The following CDC42SE2 variants were observed in gnomAD, a reference collection of about 807,000 sequenced individuals.
CDC42SE2 encodes CDC42 small effector protein 2.
In CDC42SE2, 3 loss-of-function variants were observed where a neutral mutation model predicts 11.5. The ratio of observed to expected loss-of-function variants is 0.26; its 90% CI spans 0.12 to 0.67. The LOEUF (loss-of-function observed/expected upper bound fraction) is 0.67, where lower values mean the gene tolerates loss of function less well. CDC42SE2 is among the 30% of genes least tolerant of loss of function. CDC42SE2 has a pLI of 0.80. For synonymous variants in CDC42SE2, 33 were observed against 34.8 expected (o/e 0.95, Z 0.18); for missense variants, 82 against 106.8 (o/e 0.77, Z 1.02).
At chr5:131,367,658 A>T (rs1207938528) in intron 3 of CDC42SE2, among the ~76,000 whole-genome samples, 1 of 152,128 alleles carries the variant, frequency 6.6e-6, no homozygotes, top group Non-Finnish European at 1.5e-5. Flanking sequence ...ATGCCTGTTC[A>T]TGTCTTTTGT....
intron 2 of CDC42SE2, among the ~76,000 whole-genome samples, chr5:131,316,825 T>A (rs910569855): frequency 1.3e-5 from 2 of 152,198 alleles, no homozygotes; most frequent in South Asian, 2.1e-4. Context: ...TTAAGCAGTT[T>A]TGCCTTGAGA....
At chr5:131,281,772 A>G (rs990815453) in intron 1 of CDC42SE2, among the ~76,000 whole-genome samples, 1 of 152,168 alleles carries the variant, frequency 6.6e-6, no homozygotes, top group African/African-American at 2.4e-5. Context: ...TGAAATTTAG[A>G]CACACCTCGA....
intron 3 of CDC42SE2, among the ~76,000 whole-genome samples, chr5:131,377,692 T>C (rs1750196813): frequency 6.6e-6 from 1 of 152,150 alleles, no homozygotes; most frequent in Non-Finnish European, 1.5e-5. Context: ...AACCACTGCT[T>C]TACAGGTTCT....
intron 1 of CDC42SE2, among the ~76,000 whole-genome samples, chr5:131,267,559 C>G (rs747427735): frequency 1.1e-4 from 16 of 151,904 alleles, no homozygotes; most frequent in Non-Finnish European, 2.2e-4. Context: ...TTTGTAAGAC[C>G]TTTTAGAATG....
At chr5:131,283,797 A>G (rs984148693) in intron 1 of CDC42SE2, among the ~76,000 whole-genome samples, 2 of 152,082 alleles carry the variant, frequency 1.3e-5, no homozygotes, top group African/African-American at 4.8e-5. Context: ...CAGGCCCATC[A>G]TTCTCTTTTA....
At chr5:131,240,614 T>TAGGTA (rs1176734090), upstream of CDC42SE2, among the ~76,000 whole-genome samples, 15 of 152,230 alleles carry the variant, frequency 9.9e-5, no homozygotes, top group Admixed American at 9.8e-4. Flanking sequence ...ACACCTTTGT[T>TAGGTA]CACCATGATT....
intron 1 of CDC42SE2, among the ~76,000 whole-genome samples, chr5:131,313,205 A>G (rs978942947): frequency 1.3e-5 from 2 of 151,932 alleles, no homozygotes; most frequent in Admixed American, 6.6e-5. Context: ...GATGGTCTCC[A>G]TCTCCTGACC....
At chr5:131,311,411 A>G (rs1757910724) in intron 1 of CDC42SE2, among the ~76,000 whole-genome samples, 3 of 151,688 alleles carry the variant, frequency 2.0e-5, no homozygotes, top group Admixed American at 2.0e-4. Context: ...GAATCTGACA[A>G]TTATGTGTCT....
intron 1 of CDC42SE2, among the ~76,000 whole-genome samples, chr5:131,315,457 C>T (rs569639246): frequency 6.1e-4 from 93 of 152,224 alleles, no homozygotes; most frequent in South Asian, 2.7e-3. Context: ...AGGGTACAGA[C>T]AAGTAATTGT....
intron 2 of CDC42SE2, among the ~76,000 whole-genome samples, chr5:131,336,320 G>T (rs748075363): frequency 3.3e-5 from 5 of 152,202 alleles, no homozygotes; most frequent in Non-Finnish European, 7.3e-5. Flanking sequence ...CTGGCTTATA[G>T]AGTTTCTGCC....
At chr5:131,337,250 C>G (rs1345982517) in intron 2 of CDC42SE2, among the ~76,000 whole-genome samples, 1 of 152,170 alleles carries the variant, frequency 6.6e-6, no homozygotes, top group Non-Finnish European at 1.5e-5. Flanking sequence ...CCCTGTTTGC[C>G]TGGGTATCAC....
intron 1 of CDC42SE2, among the ~76,000 whole-genome samples, chr5:131,306,633 A>C (rs1757783725): frequency 6.6e-6 from 1 of 152,288 alleles, no homozygotes; most frequent in East Asian, 1.9e-4. Context: ...GAAAAACAGC[A>C]TTGGAATTTT....
intron 1 of CDC42SE2, among the ~76,000 whole-genome samples, chr5:131,264,460 A>C (rs1387417729): frequency 6.6e-6 from 1 of 151,062 alleles, no homozygotes; most frequent in Non-Finnish European, 1.5e-5. Flanking sequence ...GAGGCAGCCA[A>C]CTGACCGCCT....
chr5:131,221,134 C>G, the CDC42SE2 span, among the ~76,000 whole-genome samples: 1 of 152,112 alleles, frequency 6.6e-6, no homozygotes, highest in African/African-American at 2.4e-5. Context: ...GAGCCACCCG[C>G]CTTGGCCTCC....
intron 3 of CDC42SE2, among the ~76,000 whole-genome samples, chr5:131,377,524 TA>T (rs1287371230): frequency 6.6e-6 from 1 of 152,210 alleles, no homozygotes; most frequent in Non-Finnish European, 1.5e-5. Flanking sequence ...TGTTTTCTAT[TA>T]ACCATTAAGC....
intron 1 of CDC42SE2, among the ~76,000 whole-genome samples, chr5:131,288,038 G>A (rs891453770): frequency 2.6e-5 from 4 of 152,078 alleles, no homozygotes; most frequent in African/African-American, 9.7e-5. Flanking sequence ...GAGCCCAGGA[G>A]TTTGAGACCG....
chr5:131,250,609 T>C (rs1756631860), intron 1 of CDC42SE2, among the ~76,000 whole-genome samples: 1 of 151,888 alleles, frequency 6.6e-6, no homozygotes, highest in African/African-American at 2.4e-5. Flanking sequence ...AAGAAATGAA[T>C]AGGTGGAGCA....
intron 1 of CDC42SE2, among the ~76,000 whole-genome samples, chr5:131,278,888 G>A (rs941002754): frequency 4.2e-5 from 6 of 142,064 alleles, no homozygotes; most frequent in Non-Finnish European, 9.1e-5. Context: ...AGGTTCAAGT[G>A]ATTCTCCTGC....
At chr5:131,245,429 A>G (rs536138566), upstream of CDC42SE2, 1 of 152,276 alleles carries the variant, frequency 6.6e-6, no homozygotes, top group East Asian at 1.9e-4. Context: ...TGTACATTGA[A>G]ACAATGTGTC....
Sources: allele counts gnomAD v4.1 joint callset (sites outside exome capture counted in the v4.1 genomes callset), GRCh38; gene constraint gnomAD v4.1.1; transcripts MANE v1.5; gene names NCBI Gene and HGNC (gene_info 2026-07-23, HGNC 2026-07-21).